Variants in DOCK4 observed in about 807,000 individuals in gnomAD.
DOCK4 encodes dedicator of cytokinesis protein 4.
Under a neutral mutation model 268.1 loss-of-function variants are expected in DOCK4, and 97 were observed. The observed-to-expected ratio is 0.36, with a 90% confidence interval of 0.31 to 0.43. The LOEUF (loss-of-function observed/expected upper bound fraction) is 0.43. DOCK4 is among the 20% of genes least tolerant of loss of function. DOCK4 has a pLI of 1.00. For synonymous variants in DOCK4, 954 were observed against 887.2 expected (o/e 1.08, Z -1.34); for missense variants, 2,145 against 2,455.7 (o/e 0.87, Z 2.67).
intron 1 of DOCK4, among the ~76,000 whole-genome samples, chr7:112,173,022 T>TACC (rs1427196700): frequency 2.0e-5 from 3 of 152,320 alleles, no homozygotes; most frequent in Non-Finnish European, 4.4e-5. Context: ...CCTTCATGAC[T>TACC]ACCAGTCTGT....
intron 23 of DOCK4, among the ~76,000 whole-genome samples, chr7:111,857,788 C>T (rs1245489634): frequency 6.6e-6 from 1 of 152,204 alleles, no homozygotes; most frequent in Non-Finnish European, 1.5e-5. Flanking sequence ...TCCTCCTTCC[C>T]CAACAACCTC....
chr7:112,063,541 T>G (rs1806636637), intron 1 of DOCK4, among the ~76,000 whole-genome samples: 1 of 152,218 alleles, frequency 6.6e-6, no homozygotes. Flanking sequence ...GTAAGAGTAT[T>G]GTACCACATA....
chr7:111,770,306 G>T (rs545197280), intron 36 of DOCK4, among the ~76,000 whole-genome samples: 1 of 151,998 alleles, frequency 6.6e-6, no homozygotes, highest in Non-Finnish European at 1.5e-5. Flanking sequence ...TGAGGAGTGG[G>T]GGGAGTGTGT....
At chr7:111,788,405 A>T in intron 32 of DOCK4, 1 of 438,434 alleles carries the variant, frequency 2.3e-6, no homozygotes, top group East Asian at 3.4e-5. Flanking sequence ...GCATGAAAAG[A>T]GGGAGATTTG....
At chr7:111,800,148 C>T (rs915477847) in intron 30 of DOCK4, among the ~76,000 whole-genome samples, 1 of 151,050 alleles carries the variant, frequency 6.6e-6, no homozygotes, top group South Asian at 2.1e-4. Flanking sequence ...ATACAATGCA[C>T]TTTAAGCTAG....
chr7:111,867,879 G>T, intron 22 of DOCK4, 105 bp downstream of exon 22: 2 of 1,113,676 alleles, frequency 1.8e-6, no homozygotes, highest in Non-Finnish European at 2.4e-6. Flanking sequence ...ATAAACTGGA[G>T]CAATTGACTT....
At chr7:112,072,556 A>C (rs73434658) in intron 1 of DOCK4, among the ~76,000 whole-genome samples, 2,641 of 152,320 alleles carry the variant, frequency 0.017, 77 homozygotes, top group African/African-American at 0.06. Context: ...TGACCCAGCA[A>C]TCCTGTTACA....
At chr7:112,039,564 A>G (rs1804173536) in intron 1 of DOCK4, among the ~76,000 whole-genome samples, 1 of 151,892 alleles carries the variant, frequency 6.6e-6, no homozygotes, top group Non-Finnish European at 1.5e-5. Flanking sequence ...TTTCTGAAGG[A>G]TTTTCTGACT....
chr7:111,811,308 G>A (rs931722392), intron 28 of DOCK4, among the ~76,000 whole-genome samples: 1 of 151,966 alleles, frequency 6.6e-6, no homozygotes, highest in Non-Finnish European at 1.5e-5. Flanking sequence ...CCAAAACAAA[G>A]AACCACCATT....
rs138397686 is a variant in DOCK4 at position 112,094,808 on chromosome 7, A to G, written c.38-90677T>C. On this transcript the variant is annotated intron_variant, in intron 1 of 52. Transcript: ENST00000428084. ...TCCCTCATGGCTTGGTGCTGTTCTC[A>G]TGATAGATATGGTCGTTTAAAAATG... 3.2e-4 allele frequency among the ~76,000 whole-genome samples: 49 copies of G among 152,218 alleles called. 1 individual carries two copies. In the East Asian group the frequency reaches 9.1e-3, roughly 28 times the overall value.
intron 12 of DOCK4, among the ~76,000 whole-genome samples, chr7:111,933,240 GTA>G (rs1167383815): frequency 1.8e-5 from 2 of 113,670 alleles, no homozygotes; most frequent in Admixed American, 1.8e-4. Flanking sequence ...ACATATATAC[GTA>G]TATATACATA....
intron 1 of DOCK4, among the ~76,000 whole-genome samples, chr7:112,105,653 C>A (rs191857494): frequency 6.7e-6 from 1 of 149,070 alleles, no homozygotes; most frequent in East Asian, 2.0e-4. Flanking sequence ...CTTCCTCTTC[C>A]TCCTTCCTCG....
At position 111,746,325 on chromosome 7, in the gene DOCK4, T is replaced by C. The variant is rs199551551; in HGVS notation, c.4677+9A>G. On this transcript the variant is annotated intron_variant, in intron 44 of 52. Coordinates refer to ENST00000428084, the MANE Select transcript of DOCK4 (RefSeq NM_001363540.2). The stretch of plus-strand genomic sequence containing the variant: ...AAAATAGAAGGGGGTTGGCTTCTGC[T>C]TCCCTTACCTGCTCAAGCATCAGCT... The C allele has an allele frequency of 7.5e-6, 12 of 1,610,458 alleles. No individual in the cohort carries two copies. In the Admixed American group the frequency reaches 2.0e-4, roughly 27 times the overall value.
At chr7:111,779,521 C>T (rs1798663198) in intron 35 of DOCK4, among the ~76,000 whole-genome samples, 1 of 152,164 alleles carries the variant, frequency 6.6e-6, no homozygotes, top group South Asian at 2.1e-4. Context: ...CCTCAGCCTC[C>T]TGAGTAGCTG....
intron 11 of DOCK4, among the ~76,000 whole-genome samples, chr7:111,937,196 A>G (rs544520111): frequency 6.6e-6 from 1 of 152,178 alleles, no homozygotes; most frequent in Non-Finnish European, 1.5e-5. Flanking sequence ...CTGTTCTTTG[A>G]GTCCCAGAAG....
At chr7:112,007,731 G>T (rs1009801261) in intron 1 of DOCK4, among the ~76,000 whole-genome samples, 8 of 152,126 alleles carry the variant, frequency 5.3e-5, no homozygotes, top group African/African-American at 1.7e-4. Flanking sequence ...AGGAAAACCA[G>T]TTTAGCAAAG....
chr7:111,904,136 G>A (rs540401144), intron 13 of DOCK4, among the ~76,000 whole-genome samples: 6 of 152,300 alleles, frequency 3.9e-5, no homozygotes, highest in African/African-American at 1.4e-4. Flanking sequence ...GTTTCCCTCT[G>A]TCCGTAGGCT....
rs7790733 is a variant in DOCK4 at position 111,996,260 on chromosome 7, T to C, written c.219-2029A>G. ...CGCAATTCAGTCTGTGAGAAGTTGA[T>C]TGGGGGTTGTCCAAGCAAAATTTAA... is the stretch of plus-strand genomic sequence containing the variant. On this transcript the variant is annotated intron_variant, in intron 4 of 52. Coordinates refer to ENST00000428084, the MANE Select transcript of DOCK4 (RefSeq NM_001363540.2). Among the ~76,000 whole-genome samples, 1,504 of 152,300 alleles carry C rather than the reference T, an allele frequency of 9.9e-3. 24 individuals are homozygous for C. Among genetic ancestry groups the C allele is most frequent in the African/African-American group, 0.033 (1,390 of 41,560 alleles).
At chr7:111,863,167 T>C in intron 23 of DOCK4, 1 of 585,700 alleles carries the variant, frequency 1.7e-6, no homozygotes, top group Non-Finnish European at 3.0e-6. Flanking sequence ...AATGTAATCA[T>C]TAGTTTTCAT....
Sources: gnomAD v4.1 joint callset for allele counts (sites outside exome capture counted in the v4.1 genomes callset) on GRCh38, gnomAD v4.1.1 for gene constraint, MANE v1.5 for transcripts, NCBI Gene and HGNC (gene_info 2026-07-23, HGNC 2026-07-21) for gene names.